NRG1: variants seen among roughly 807,000 people sequenced by gnomAD.
NRG1 encodes pro-neuregulin-1, membrane-bound isoform.
A neutral mutation model predicts 63.8 loss-of-function variants in NRG1; 18 were observed. The observed-to-expected ratio is 0.28, with a 90% CI of 0.19 to 0.42. NRG1 has a LOEUF of 0.42. NRG1 is among the 10% of genes least tolerant of loss of function. The pLI is 1.00. For synonymous variants in NRG1, 302 were observed against 301.3 expected, an observed-to-expected ratio of 1.00 and a Z score of -0.02; for missense variants, 762 against 814.7, an observed-to-expected ratio of 0.94 and a Z score of 0.79.
intron 1 of NRG1, among the ~76,000 whole-genome samples, chr8:31,815,245 C>G (rs750472279): frequency 1.3e-5 from 2 of 152,038 alleles, no homozygotes; most frequent in African/African-American, 4.8e-5. Context: ...CAATAACTCC[C>G]CATTCCCCCT....
chr8:32,607,948 C>T (rs1030104179), intron 3 of NRG1, among the ~76,000 whole-genome samples: 9 of 151,976 alleles, frequency 5.9e-5, no homozygotes, highest in Admixed American at 2.6e-4. Context: ...TTTTTATTCT[C>T]TTCTTGGAAT....
chr8:32,762,911 A>G (rs1830977807), intron 11 of NRG1, among the ~76,000 whole-genome samples: 1 of 152,232 alleles, frequency 6.6e-6, no homozygotes, highest in Non-Finnish European at 1.5e-5. Context: ...ACATAACATG[A>G]TAGAAGGTAA....
chr8:31,935,067 C>T (rs367712653), intron 1 of NRG1, among the ~76,000 whole-genome samples: 2 of 152,088 alleles, frequency 1.3e-5, no homozygotes, highest in Admixed American at 6.6e-5. Context: ...CCTCCTGCCT[C>T]GGCCTCCTGA....
intron 1 of NRG1, among the ~76,000 whole-genome samples, chr8:32,569,264 G>T (rs13252144): frequency 0.32 from 49,206 of 152,086 alleles, 8,987 homozygotes; most frequent in East Asian, 0.8. Flanking sequence ...GGCCAGGCTG[G>T]TCTTGAGCTC....
chr8:32,563,352 T>C (rs1423831817), intron 1 of NRG1, among the ~76,000 whole-genome samples: 1 of 152,246 alleles, frequency 6.6e-6, no homozygotes, highest in East Asian at 1.9e-4. Flanking sequence ...GCTTATCTTC[T>C]ATAGAATAAC....
At position 31,692,263 on chromosome 8, in the gene NRG1, A is replaced by G. The variant is rs187703667; in HGVS notation, c.37+52832A>G. On this transcript the variant is annotated intron_variant, in intron 1 of 10. Coordinates refer to the NRG1 transcript ENST00000519301. ...GAATTTCTAAAGTCAACTTGGTAAA[A>G]TGTACTGATGATTTTCATTGAAAAA... Among the ~76,000 whole-genome samples the G allele has an allele frequency of 1.3e-3, 205 of 152,328 alleles. 1 individual carries two copies. Among genetic ancestry groups the G allele is most frequent in the African/African-American group, 4.8e-3 (198 of 41,582 alleles).
intron 1 of NRG1, among the ~76,000 whole-genome samples, chr8:32,238,210 C>G (rs1847762429): frequency 6.6e-6 from 1 of 152,014 alleles, no homozygotes; most frequent in African/African-American, 2.4e-5. Flanking sequence ...TGCCTGTAAT[C>G]CCAGCAATTT....
At chr8:32,327,363 G>T (rs1802137949) in intron 1 of NRG1, among the ~76,000 whole-genome samples, 2 of 152,184 alleles carry the variant, frequency 1.3e-5, no homozygotes, top group African/African-American at 4.8e-5. Context: ...CAAAGAAAAA[G>T]AAATCAGTCA....
In NRG1 at chr8:32,524,498, T is replaced by TC. The variant is rs200965466; in HGVS notation, c.38-71330_38-71329insC. On this transcript the variant is annotated intron_variant, in intron 1 of 10. Coordinates refer to the NRG1 transcript ENST00000519301. ...ACTCAGTATGCTTTTCCTTAAAGAT[T>TC]TTTTTTTTCTATTGCCCTTCCAAAA... Among the ~76,000 whole-genome samples the TC allele has an allele frequency of 1.9e-3, 290 of 151,398 alleles. 1 individual carries two copies. The highest frequency in any genetic ancestry group is 6.8e-3 in the Middle Eastern group (2 of 294).
intron 1 of NRG1, among the ~76,000 whole-genome samples, chr8:32,309,253 G>A (rs1034183198): frequency 1.1e-4 from 17 of 152,044 alleles, no homozygotes; most frequent in African/African-American, 4.1e-4. Flanking sequence ...GGAACTGGAG[G>A]CTACACTGGA....
At chr8:32,213,886 C>A (rs1041718058) in intron 1 of NRG1, among the ~76,000 whole-genome samples, 7 of 152,106 alleles carry the variant, frequency 4.6e-5, no homozygotes, top group Admixed American at 6.6e-5. Flanking sequence ...GCTGGTAAGA[C>A]CTTGAGCTAA....
At chr8:31,805,554 C>T (rs1174393521) in intron 1 of NRG1, among the ~76,000 whole-genome samples, 2 of 151,866 alleles carry the variant, frequency 1.3e-5, no homozygotes, top group East Asian at 1.9e-4. Context: ...ACCGGCCGGG[C>T]GCGGTGGCTC....
chr8:32,226,295 T>A (rs568156691), intron 1 of NRG1, among the ~76,000 whole-genome samples: 1 of 152,312 alleles, frequency 6.6e-6, no homozygotes, highest in South Asian at 2.1e-4. Flanking sequence ...ATTTTCAAAC[T>A]TAGAACATCT....
chr8:32,284,151 T>C (rs1487003238), intron 1 of NRG1, among the ~76,000 whole-genome samples: 2 of 152,186 alleles, frequency 1.3e-5, no homozygotes, highest in Non-Finnish European at 2.9e-5. Context: ...TCAGTCCTTG[T>C]GGAGTCTGGT....
intron 1 of NRG1, among the ~76,000 whole-genome samples, chr8:32,077,850 C>T (rs746713568): frequency 6.6e-6 from 1 of 152,098 alleles, no homozygotes. Flanking sequence ...GAATGTGAGG[C>T]TTGGATGAGG....
chr8:32,443,906 C>CTT (rs1195206975), intron 1 of NRG1, among the ~76,000 whole-genome samples: 2 of 151,754 alleles, frequency 1.3e-5, no homozygotes, highest in African/African-American at 2.4e-5. Context: ...ATTGTGTGTT[C>CTT]TTGTCTTGGA....
intron 1 of NRG1, among the ~76,000 whole-genome samples, chr8:31,801,060 G>A (rs1049927179): frequency 2.0e-5 from 3 of 151,368 alleles, no homozygotes; most frequent in Non-Finnish European, 2.9e-5. Context: ...TGTTAGCCAG[G>A]ATGGTCTCGA....
chr8:32,637,247 T>A (rs1309119605), intron 5 of NRG1, among the ~76,000 whole-genome samples: 1 of 152,158 alleles, frequency 6.6e-6, no homozygotes, highest in Non-Finnish European at 1.5e-5. Flanking sequence ...TTATTTTTGA[T>A]GAAATTTCCT....
intron 1 of NRG1, among the ~76,000 whole-genome samples, chr8:32,369,232 C>G (rs544707716): frequency 6.6e-6 from 1 of 152,330 alleles, no homozygotes; most frequent in South Asian, 2.1e-4. Context: ...GAGCCACGTT[C>G]TCTCTCCTTT....
Sources: allele counts gnomAD v4.1 joint callset (sites outside exome capture counted in the v4.1 genomes callset), GRCh38; gene constraint gnomAD v4.1.1; transcripts MANE v1.5; gene names NCBI Gene and HGNC (gene_info 2026-07-23, HGNC 2026-07-21).